Variants in CCDC124 observed in about 807,000 individuals in gnomAD.
The protein encoded by CCDC124 is coiled-coil domain-containing protein 124.
CCDC124 carries 9 observed loss-of-function variants against 19.8 expected under a neutral mutation model. The observed-to-expected ratio is 0.45, with a 90% CI of 0.27 to 0.79. The LOEUF (loss-of-function observed/expected upper bound fraction) is 0.79, where lower values mean the gene tolerates loss of function less well. Among genes scored for constraint, CCDC124 ranks in the 30% least tolerant of loss-of-function variants. CCDC124 has a pLI of 0.14. For synonymous variants in CCDC124, 126 were observed against 131.3 expected, an observed-to-expected ratio of 0.96 and a Z score of 0.27; for missense variants, 285 against 319.0, an observed-to-expected ratio of 0.89 and a Z score of 0.81.
Position 17,936,549 on chromosome 19 carries a change from C to CA in CCDC124, c.132dup (p.His45ThrfsTer23). On this transcript the variant is annotated frameshift_variant, in exon 2 of 5. Coordinates refer to ENST00000445755, the MANE Select transcript of CCDC124 (RefSeq NM_001136203.2). LOFTEE classifies it high-confidence loss of function. ...AGGATGCCTACTGGAAGGACGACGA[C>CA]AAACACGTCATGAGGAAGGAGCAGC... The CA allele has an allele frequency of 6.2e-7, 1 of 1,613,476 alleles. No individual in the cohort carries two copies. Among genetic ancestry groups the CA allele is most frequent in the East Asian group, 2.2e-5 (1 of 44,864 alleles).
chr19:17,936,708 C>T, intron 2 of CCDC124, 129 bp downstream of exon 2: 1 of 1,182,880 alleles, frequency 8.5e-7, no homozygotes. Flanking sequence ...GGACCAGGCG[C>T]TGTCGCTCAC....
Position 17,943,271 on chromosome 19 carries a change from C to A in CCDC124, c.360C>A (p.Ala120=). The part of the protein sequence containing the change: ...LREAPDTAEK[A]KSHLEVPLEE... ...CACCCACCCGCCCAGCCGAGAAAGC[C>A]AAGAGCCATCTGGAGGTGCCGCTGG... The change falls in exon 4 of 5, where the codon GCC becomes GCA. Residue 120 remains alanine, a synonymous_variant. Coordinates refer to ENST00000445755, the MANE Select transcript of CCDC124 (RefSeq NM_001136203.2). The A allele has an allele frequency of 7.2e-7, 1 of 1,386,606 alleles. No homozygotes were observed. The highest frequency in any genetic ancestry group is 2.1e-5 in the Admixed American group (1 of 48,066). 85.9% of individuals were successfully genotyped at this position (1,386,606 alleles called of 1,614,324 possible).
rs1167646329 is a variant in CCDC124, at chr19:17,943,747, G to T, written c.*32G>T. On this transcript the variant is annotated 3_prime_UTR_variant, in exon 5 of 5. Transcript: ENST00000445755. ...AACTTGGGGAGCCAGTTCACCCACG[G>T]GTGGTCCAGGTCACGACTCTGCACG... The T allele has an allele frequency of 6.2e-7, 1 of 1,600,298 alleles. No homozygotes were observed. The highest frequency in any genetic ancestry group is 8.5e-7 in the Non-Finnish European group (1 of 1,171,882).
intron 2 of CCDC124, among the ~76,000 whole-genome samples, chr19:17,938,029 G>A (rs992466076): frequency 1.8e-4 from 28 of 152,196 alleles, no homozygotes; most frequent in African/African-American, 6.7e-4. Flanking sequence ...CAATGTGCCC[G>A]GCCCAGGTGT....
Position 17,943,505 on chromosome 19 carries a change from C to T in CCDC124, c.465-3C>T, listed in dbSNP as rs1318222224. ...GCCCCCTGACGCTCATGTCCACCCC[C>T]AGCGTGGCGGAGGAGGCGGCCGACC... On this transcript the variant is annotated splice_region_variant and splice_polypyrimidine_tract_variant and intron_variant, in intron 4 of 4. Transcript: ENST00000445755. 1 of 1,609,974 alleles carries T rather than the reference C, an allele frequency of 6.2e-7. No individual in the cohort carries two copies. The highest frequency in any genetic ancestry group is 1.3e-5 in the African/African-American group (1 of 75,004).
At chr19:17,935,305 G>A (rs1214680155) in intron 1 of CCDC124, 3 of 152,550 alleles carry the variant, frequency 2.0e-5, no homozygotes, top group African/African-American at 7.2e-5. Context: ...AGGGGAAGAG[G>A]AATAGGGAGT....
chr19:17,935,908 C>G (rs766040933), intron 1 of CCDC124, among the ~76,000 whole-genome samples: 3 of 147,126 alleles, frequency 2.0e-5, no homozygotes, highest in Non-Finnish European at 4.5e-5. Context: ...TAAATTGATT[C>G]TTTTTCCTTT....
intron 1 of CCDC124, 150 bp from the exon 2 acceptor site, chr19:17,936,260 G>A: frequency 3.2e-6 from 2 of 631,318 alleles, no homozygotes; most frequent in Non-Finnish European, 5.3e-6. Flanking sequence ...ACTTTTACAA[G>A]GAGAGCGCTA....
At chr19:17,938,560 G>A (rs1172507097) in intron 2 of CCDC124, among the ~76,000 whole-genome samples, 1 of 152,070 alleles carries the variant, frequency 6.6e-6, no homozygotes, top group Non-Finnish European at 1.5e-5. Context: ...TTCTTGGGGG[G>A]AATCTGGACA....
At chr19:17,935,968 G>C (rs772306484) in intron 1 of CCDC124, among the ~76,000 whole-genome samples, 6 of 151,844 alleles carry the variant, frequency 4.0e-5, no homozygotes, top group African/African-American at 4.8e-5. Context: ...GCAGTGGCAC[G>C]ATCTTGGCTC....
intron 1 of CCDC124, among the ~76,000 whole-genome samples, chr19:17,935,873 G>A (rs2031049883): frequency 6.8e-6 from 1 of 147,440 alleles, no homozygotes; most frequent in Non-Finnish European, 1.5e-5. Context: ...GTGAGCCACT[G>A]TGCCTGGCCG....
At chr19:17,939,704 C>T (rs554970970) in intron 2 of CCDC124, among the ~76,000 whole-genome samples, 1 of 151,968 alleles carries the variant, frequency 6.6e-6, no homozygotes, top group Admixed American at 6.6e-5. Context: ...CTCACTGCAA[C>T]CTCTGCCTCC....
chr19:17,933,373 G>C (rs767638318), intron 1 of CCDC124, among the ~76,000 whole-genome samples: 4 of 152,206 alleles, frequency 2.6e-5, no homozygotes, highest in Non-Finnish European at 5.9e-5. Flanking sequence ...GACTTCAAAA[G>C]GGATAGCCGG....
In CCDC124 at chr19:17,936,323, C is replaced by T. The variant is rs1052294205; in HGVS notation, c.-11-87C>T. ...AAGGCCACAGAGGCCCCAAGAGGGT[C>T]ATGGCTGCCCAAGTGTGATTCTGGG... On this transcript the variant is annotated intron_variant, in intron 1 of 4. Transcript: ENST00000445755. The T allele has an allele frequency of 3.6e-5, 41 of 1,149,528 alleles. No homozygotes were observed. In the Admixed American group the frequency reaches 6.9e-4, roughly 19 times the overall value. The allele number at this position is 1,149,528 out of a possible 1,614,324, so 71.2% of individuals were successfully genotyped here.
chr19:17,938,764 GTA>G (rs903921405), intron 2 of CCDC124, among the ~76,000 whole-genome samples: 33 of 152,016 alleles, frequency 2.2e-4, no homozygotes, highest in Non-Finnish European at 7.4e-5. Context: ...GCTATTGTTT[GTA>G]TTTTGTGTAG....
chr19:17,943,241 T>TCGGGGGGGGGGCCC lies in CCDC124; in HGVS notation c.350-19_350-18insGGGGGGGGGGCCCC. The TCGGGGGGGGGGCCC allele has an allele frequency of 6.8e-6, 5 of 736,676 alleles. No homozygotes were observed. The highest frequency in any genetic ancestry group is 1.2e-5 in the Non-Finnish European group (5 of 414,970). The allele number at this position is 736,676 out of a possible 1,614,324, so 45.6% of individuals were successfully genotyped here. ...CTTTGCTTATCTCTCTCTGTCTCTG[T>TCGGGGGGGGGGCCC]CACCCACCCACCCGCCCAGCCGAGA... On this transcript the variant is annotated intron_variant, in intron 3 of 4. Coordinates refer to ENST00000445755, the MANE Select transcript of CCDC124 (RefSeq NM_001136203.2).
Position 17,943,691 on chromosome 19 carries a change from C to G in CCDC124, c.648C>G (p.Ala216=), listed in dbSNP as rs372508805. 1.7e-5 allele frequency: 27 copies of G among 1,612,800 alleles called. No individual in the cohort carries two copies. The highest frequency in any genetic ancestry group is 2.2e-5 in the Non-Finnish European group (26 of 1,179,918). ...RSPDNPMNQR[A]VPFNAPK is the part of the protein sequence containing the mutation. ...CTGACAACCCCATGAACCAGCGGGCCGTGCCCTTCAATGCCCCCAAGTGAG... is the reference window on the plus strand; with the variant it reads ...CTGACAACCCCATGAACCAGCGGGCGGTGCCCTTCAATGCCCCCAAGTGAG... Residue 216 remains alanine, a synonymous_variant, in exon 5 of 5, where the codon GCC becomes GCG. Coordinates refer to ENST00000445755, the MANE Select transcript of CCDC124 (RefSeq NM_001136203.2).
chr19:17,939,287 C>T (rs1316899671), intron 2 of CCDC124, among the ~76,000 whole-genome samples: 2 of 152,128 alleles, frequency 1.3e-5, no homozygotes, highest in African/African-American at 4.8e-5. Flanking sequence ...CCCAGCAACT[C>T]AGGAGGCTGA....
Position 17,943,883 on chromosome 19 carries a change from C to T in CCDC124, c.*168C>T. 1.4e-5 allele frequency: 9 copies of T among 656,146 alleles called. No homozygotes were observed. The highest frequency in any genetic ancestry group is 3.6e-5 in the African/African-American group (2 of 54,986). The allele number at this position is 656,146 out of a possible 1,614,324, so 40.6% of individuals were successfully genotyped here. A position where few individuals can be genotyped will look rare whatever the true frequency, so the allele number is the denominator to read the frequency against. Reference sequence around the variant, plus strand: ...CACCCGTCCTCCCGCCAGAGGGTCCCTGCCCCGAGTGACACCCCATCCCCT... The same window carrying T: ...CACCCGTCCTCCCGCCAGAGGGTCCTTGCCCCGAGTGACACCCCATCCCCT... On this transcript the variant is annotated 3_prime_UTR_variant, in exon 5 of 5. Coordinates refer to ENST00000445755, the MANE Select transcript of CCDC124 (RefSeq NM_001136203.2).
Sources: allele counts gnomAD v4.1 joint callset (sites outside exome capture counted in the v4.1 genomes callset), GRCh38; gene constraint gnomAD v4.1.1; transcripts MANE v1.5; gene names NCBI Gene and HGNC (gene_info 2026-07-23, HGNC 2026-07-21).